RIMS2: variants seen among roughly 807,000 people sequenced by gnomAD.
RIMS2 encodes regulating synaptic membrane exocytosis 2, also known as regulating synaptic membrane exocytosis protein 2.
Under a neutral mutation model 174.4 loss-of-function variants are expected in RIMS2, and 59 were observed. The observed-to-expected ratio is 0.34, with a 90% confidence interval of 0.27 to 0.42. RIMS2 has a LOEUF of 0.42. RIMS2 is among the 10% of genes least tolerant of loss of function. The pLI is 1.00. For synonymous variants in RIMS2, 606 were observed against 572.5 expected (o/e 1.06, Z -0.84); for missense variants, 1,620 against 1,666.3 (o/e 0.97, Z 0.48).
At chr8:103,791,023 C>G (rs2098493203) in intron 3 of RIMS2, among the ~76,000 whole-genome samples, 1 of 152,026 alleles carries the variant, frequency 6.6e-6, no homozygotes, top group South Asian at 2.1e-4. Flanking sequence ...GAGAACTTTC[C>G]CAACCTAGCA....
intron 19 of RIMS2, among the ~76,000 whole-genome samples, chr8:104,037,116 G>A (rs1421560990): frequency 6.6e-6 from 1 of 152,066 alleles, no homozygotes; most frequent in Non-Finnish European, 1.5e-5. Context: ...TTGTCACTGT[G>A]GAGATGTTCT....
At chr8:104,156,263 A>G (rs1271871239) in intron 19 of RIMS2, among the ~76,000 whole-genome samples, 1 of 152,080 alleles carries the variant, frequency 6.6e-6, no homozygotes, top group Non-Finnish European at 1.5e-5. Flanking sequence ...CCCTCTTAGA[A>G]GGCCTTAGAG....
intron 16 of RIMS2, among the ~76,000 whole-genome samples, chr8:103,985,422 C>T (rs2094273658): frequency 7.8e-6 from 1 of 128,574 alleles, no homozygotes; most frequent in Non-Finnish European, 1.5e-5. Context: ...TGCAGTGAGC[C>T]AGGATTGTGC....
At chr8:104,254,983 C>T (rs2099366010), downstream of RIMS2, 2 of 152,132 alleles carry the variant, frequency 1.3e-5, no homozygotes. Flanking sequence ...CCATATCCTT[C>T]TGGGGCGATT....
chr8:103,687,234 G>A (rs1414092834), intron 1 of RIMS2, among the ~76,000 whole-genome samples: 1 of 151,860 alleles, frequency 6.6e-6, no homozygotes, highest in Non-Finnish European at 1.5e-5. Context: ...GTTGCTTATA[G>A]TATTCCTTTG....
chr8:103,855,581 A>T (rs2099023244), intron 3 of RIMS2, among the ~76,000 whole-genome samples: 1 of 151,944 alleles, frequency 6.6e-6, no homozygotes, highest in Non-Finnish European at 1.5e-5. Context: ...ATTTGAAAGA[A>T]TTTTTTTTAT....
chr8:104,006,766 A>T (rs1029341140), intron 17 of RIMS2, among the ~76,000 whole-genome samples: 1 of 151,120 alleles, frequency 6.6e-6, no homozygotes, highest in African/African-American at 2.4e-5. Flanking sequence ...ACCTTCTACA[A>T]TTTGACCTCT....
intron 19 of RIMS2, among the ~76,000 whole-genome samples, chr8:104,106,423 A>G (rs74307469): frequency 0.017 from 2,642 of 152,164 alleles, 131 homozygotes; most frequent in East Asian, 0.15. Context: ...TTAGAGTTAT[A>G]TACATTAAAA....
intron 1 of RIMS2, among the ~76,000 whole-genome samples, chr8:103,590,977 G>C (rs1004522720): frequency 1.3e-5 from 2 of 150,776 alleles, no homozygotes; most frequent in African/African-American, 4.8e-5. Context: ...CCTTTTTCCA[G>C]AGTGCTTTTA....
rs113462764 is a variant in RIMS2 at position 103,547,910 on chromosome 8, G to A, written c.176+46848G>A. ...CTATGCACACAAACTAGAAAACTTA[G>A]AAGAAATGGCTAGATTTCTGGAAAC... On this transcript the variant is annotated intron_variant, in intron 1 of 23. Transcript: ENST00000504942. 1.6e-3 allele frequency among the ~76,000 whole-genome samples: 245 copies of A among 152,166 alleles called. 1 individual carries two copies. Among genetic ancestry groups the A allele is most frequent in the Non-Finnish European group, 1.8e-3 (121 of 67,986 alleles).
chr8:103,820,532 A>T (rs911526489), intron 3 of RIMS2, among the ~76,000 whole-genome samples: 1 of 151,918 alleles, frequency 6.6e-6, no homozygotes, highest in African/African-American at 2.4e-5. Flanking sequence ...TCTCTGAACA[A>T]TGTGAGGCAT....
chr8:103,712,563 C>T (rs1317470510), intron 2 of RIMS2, among the ~76,000 whole-genome samples: 1 of 151,798 alleles, frequency 6.6e-6, no homozygotes, highest in Non-Finnish European at 1.5e-5. Context: ...AAGGTGAGTA[C>T]CAAGTTAAAT....
intron 1 of RIMS2, among the ~76,000 whole-genome samples, chr8:103,670,282 C>T (rs1466656290): frequency 6.6e-6 from 1 of 152,174 alleles, no homozygotes; most frequent in Admixed American, 6.5e-5. Flanking sequence ...GCTGAGCCCA[C>T]AAAACCATTT....
At chr8:103,746,157 T>C (rs1470177676) in intron 2 of RIMS2, among the ~76,000 whole-genome samples, 2 of 152,338 alleles carry the variant, frequency 1.3e-5, no homozygotes, top group East Asian at 3.9e-4. Context: ...ACTTCACTGT[T>C]TTGCATGTGG....
chr8:104,075,653 C>A (rs118109411), intron 19 of RIMS2, among the ~76,000 whole-genome samples: 134 of 152,192 alleles, frequency 8.8e-4, no homozygotes, highest in Non-Finnish European at 1.6e-3. Context: ...TTATTTATTT[C>A]TTCATGCCTC....
chr8:103,792,983 A>G (rs1458031886), intron 3 of RIMS2, among the ~76,000 whole-genome samples: 2 of 152,324 alleles, frequency 1.3e-5, no homozygotes, highest in East Asian at 3.9e-4. Context: ...ATGGATTCAC[A>G]GCCGAATTCT....
intron 19 of RIMS2, among the ~76,000 whole-genome samples, chr8:104,080,944 A>G (rs886997782): frequency 1.3e-5 from 2 of 152,082 alleles, no homozygotes; most frequent in Admixed American, 6.6e-5. Context: ...ATAACTTCAG[A>G]GAGTGGAAAC....
At chr8:104,240,403 C>T (rs1256145444) in intron 19 of RIMS2, among the ~76,000 whole-genome samples, 1 of 152,050 alleles carries the variant, frequency 6.6e-6, no homozygotes, top group Non-Finnish European at 1.5e-5. Flanking sequence ...GAATGACATT[C>T]AAGTTAAATT....
intron 19 of RIMS2, among the ~76,000 whole-genome samples, chr8:104,137,346 A>G (rs1033298120): frequency 2.0e-5 from 3 of 152,186 alleles, no homozygotes; most frequent in Non-Finnish European, 4.4e-5. Context: ...TGCTATATAT[A>G]TGTTACTTCA....
Sources: allele counts gnomAD v4.1 joint callset (sites outside exome capture counted in the v4.1 genomes callset), GRCh38; gene constraint gnomAD v4.1.1; transcripts MANE v1.5; gene names NCBI Gene and HGNC (gene_info 2026-07-23, HGNC 2026-07-21).